Variants in CADM2 observed in about 807,000 individuals in gnomAD.
CADM2 encodes the protein immunoglobulin superfamily member 4D.
A neutral mutation model predicts 49.8 loss-of-function variants in CADM2; 12 were observed. The ratio of observed to expected loss-of-function variants is 0.24; its 90% confidence interval spans 0.15 to 0.39. The LOEUF (loss-of-function observed/expected upper bound fraction) is 0.39. Among genes scored for constraint, CADM2 ranks in the 10% least tolerant of loss-of-function variants. CADM2 has a pLI of 1.00. For missense variants in CADM2, 378 were observed against 492.3 expected (o/e 0.77, Z 2.20); for synonymous variants, 214 against 175.4 (o/e 1.22, Z -1.74).
intron 1 of CADM2, among the ~76,000 whole-genome samples, chr3:85,597,458 A>G (rs868492439): frequency 6.6e-6 from 1 of 152,088 alleles, no homozygotes; most frequent in Non-Finnish European, 1.5e-5. Context: ...TTTATTCTAT[A>G]TCTTGCTTGT....
intron 1 of CADM2, among the ~76,000 whole-genome samples, chr3:85,515,633 T>TATATATATATA (rs1450614692): frequency 9.9e-5 from 12 of 121,812 alleles, no homozygotes; most frequent in African/African-American, 3.3e-4. Context: ...ATATATATAT[T>TATATATATATA]TTTTTTTTTT....
intron 1 of CADM2, among the ~76,000 whole-genome samples, chr3:85,567,452 T>TA (rs1274738959): frequency 2.0e-5 from 3 of 152,210 alleles, no homozygotes; most frequent in Non-Finnish European, 4.4e-5. Flanking sequence ...GCAATAAAAT[T>TA]AAAAAACTAA....
At chr3:85,753,196 A>C (rs1024744237) in intron 2 of CADM2, among the ~76,000 whole-genome samples, 2 of 152,150 alleles carry the variant, frequency 1.3e-5, no homozygotes, top group Non-Finnish European at 2.9e-5. Flanking sequence ...CAAATACATT[A>C]AATATATATT....
chr3:85,603,389 T>A (rs1271936530), intron 1 of CADM2, among the ~76,000 whole-genome samples: 1 of 143,246 alleles, frequency 7.0e-6, no homozygotes, highest in Non-Finnish European at 1.6e-5. Context: ...AAGTGAACAC[T>A]CCTTTTAATT....
intron 1 of CADM2, among the ~76,000 whole-genome samples, chr3:85,645,431 A>G (rs1418283894): frequency 2.0e-5 from 3 of 152,060 alleles, no homozygotes; most frequent in Non-Finnish European, 4.4e-5. Flanking sequence ...TGAGGCAAAC[A>G]CCATGTATTT....
intron 1 of CADM2, among the ~76,000 whole-genome samples, chr3:85,661,322 G>A (rs2065395802): frequency 6.6e-6 from 1 of 152,010 alleles, no homozygotes. Context: ...TGTAGATCTG[G>A]GGAATGCTAT....
intron 1 of CADM2, among the ~76,000 whole-genome samples, chr3:85,251,882 A>C (rs1401550166): frequency 6.6e-6 from 1 of 152,008 alleles, no homozygotes; most frequent in African/African-American, 2.4e-5. Flanking sequence ...TAAACAAAGA[A>C]TTCTCTAAAT....
chr3:85,113,166 A>G (rs1024113380), intron 1 of CADM2, among the ~76,000 whole-genome samples: 3 of 152,072 alleles, frequency 2.0e-5, no homozygotes, highest in Non-Finnish European at 4.4e-5. Context: ...TCATTCCTTT[A>G]CTGAGTGAAT....
intron 1 of CADM2, among the ~76,000 whole-genome samples, chr3:85,181,749 GATTT>G (rs1165962720): frequency 2.0e-5 from 3 of 150,830 alleles, no homozygotes; most frequent in South Asian, 2.1e-4. Context: ...TTTTCCCATT[GATTT>G]ATTTAACAAT....
rs183252584 is a variant in CADM2, at chr3:84,962,255, A to G, written c.61+2587A>G. 2.6e-3 allele frequency among the ~76,000 whole-genome samples: 399 copies of G among 151,948 alleles called. 3 individuals carry two copies. Among genetic ancestry groups the G allele is most frequent in the African/African-American group, 9.4e-3 (390 of 41,460 alleles). ...TTAGATCAGGCCATATGAATACACT[A>G]AAAGAGATACGAGGATTTAAAAAAA... On this transcript the variant is annotated intron_variant, in intron 1 of 9. Coordinates refer to ENST00000383699, the MANE Select transcript of CADM2 (RefSeq NM_001167675.2).
At chr3:85,962,095 T>G (rs375242675) in intron 8 of CADM2, among the ~76,000 whole-genome samples, 1 of 151,654 alleles carries the variant, frequency 6.6e-6, no homozygotes. Context: ...ACCACTATAT[T>G]TTTAGTAGAG....
intron 1 of CADM2, among the ~76,000 whole-genome samples, chr3:85,450,028 A>G (rs2037682260): frequency 6.6e-6 from 1 of 152,210 alleles, no homozygotes; most frequent in South Asian, 2.1e-4. Context: ...GGAAACAGGT[A>G]AACAGAACAA....
At chr3:85,058,437 CTT>C (rs916272159) in intron 1 of CADM2, among the ~76,000 whole-genome samples, 4 of 151,728 alleles carry the variant, frequency 2.6e-5, no homozygotes, top group African/African-American at 9.7e-5. Context: ...AAATGACTTT[CTT>C]TTTTTTCTTT....
intron 1 of CADM2, among the ~76,000 whole-genome samples, chr3:85,631,720 G>A (rs2064314051): frequency 1.3e-5 from 2 of 151,978 alleles, no homozygotes; most frequent in African/African-American, 4.8e-5. Context: ...TTAAATTTTA[G>A]TGTATTTTAA....
At chr3:85,690,100 A>G (rs1386984895) in intron 1 of CADM2, among the ~76,000 whole-genome samples, 2 of 152,108 alleles carry the variant, frequency 1.3e-5, no homozygotes, top group Non-Finnish European at 1.5e-5. Context: ...AATTTTTTTT[A>G]TCATGGGAGA....
intron 1 of CADM2, among the ~76,000 whole-genome samples, chr3:85,637,198 A>G (rs1364344444): frequency 6.6e-6 from 1 of 152,204 alleles, no homozygotes; most frequent in East Asian, 1.9e-4. Context: ...ATAAATCCTC[A>G]TGTTGATACT....
intron 2 of CADM2, among the ~76,000 whole-genome samples, chr3:85,776,899 G>A (rs1172103856): frequency 1.3e-5 from 2 of 152,018 alleles, no homozygotes; most frequent in Non-Finnish European, 2.9e-5. Context: ...AAACAGAATA[G>A]ATGTCTGACA....
intron 1 of CADM2, among the ~76,000 whole-genome samples, chr3:85,154,364 T>C (rs1019438595): frequency 4.6e-5 from 7 of 151,738 alleles, no homozygotes; most frequent in Admixed American, 4.6e-4. Flanking sequence ...ATGAATGAAA[T>C]GAAGCGAGAA....
chr3:85,714,240 A>G (rs2067209003), intron 1 of CADM2, among the ~76,000 whole-genome samples: 1 of 152,188 alleles, frequency 6.6e-6, no homozygotes, highest in African/African-American at 2.4e-5. Flanking sequence ...CTATCTAGTA[A>G]TAAAGAGTTA....
Sources: gnomAD v4.1 joint callset for allele counts (sites outside exome capture counted in the v4.1 genomes callset) on GRCh38, gnomAD v4.1.1 for gene constraint, MANE v1.5 for transcripts, NCBI Gene and HGNC (gene_info 2026-07-23, HGNC 2026-07-21) for gene names.